The following PARVB variants were observed in gnomAD, a reference collection of about 807,000 sequenced individuals.
PARVB encodes parvin beta.
A neutral mutation model predicts 47.0 loss-of-function variants in PARVB; 46 were observed. The observed-to-expected ratio is 0.98, with a 90% CI of 0.77 to 1.25. PARVB has a LOEUF of 1.25. Ranked by LOEUF, PARVB falls within the 50% of genes most tolerant of loss-of-function variation. PARVB has a pLI of 0.00. For synonymous variants in PARVB, 196 were observed against 196.3 expected (o/e 1.00, Z 0.01); for missense variants, 473 against 471.6 (o/e 1.00, Z -0.03).
chr22:44,127,382 A>G (rs1367320748), intron 4 of PARVB, among the ~76,000 whole-genome samples: 2 of 152,180 alleles, frequency 1.3e-5, no homozygotes, highest in African/African-American at 4.8e-5. Flanking sequence ...TTGATGTGAG[A>G]TCCTCTTGAT....
intron 1 of PARVB, among the ~76,000 whole-genome samples, chr22:44,055,870 G>A (rs914334662): frequency 2.6e-4 from 40 of 152,142 alleles, no homozygotes; most frequent in African/African-American, 8.0e-4. Flanking sequence ...GGTGTCAAAT[G>A]GATTGGCCGA....
chr22:44,008,443 C>G (rs918778049), intron 2 of PARVB, among the ~76,000 whole-genome samples: 2 of 152,122 alleles, frequency 1.3e-5, no homozygotes, highest in African/African-American at 4.8e-5. Context: ...GTGAATATAC[C>G]TGGATGCCTA....
intron 3 of PARVB, among the ~76,000 whole-genome samples, chr22:44,118,718 G>A (rs552106804): frequency 3.3e-5 from 5 of 152,278 alleles, no homozygotes; most frequent in East Asian, 1.9e-4. Flanking sequence ...GGTGGTGGCC[G>A]CAGAGCTGTG....
At chr22:44,158,118 A>C in intron 11 of PARVB, 35 bp downstream of exon 11, 28 of 1,371,308 alleles carry the variant, frequency 2.0e-5, no homozygotes, top group Non-Finnish European at 2.4e-5. Context: ...GTAGGGGCTC[A>C]AGAAATGCTC....
chr22:44,161,859 C>T (rs1000696370), intron 11 of PARVB, among the ~76,000 whole-genome samples: 2 of 152,228 alleles, frequency 1.3e-5, no homozygotes, highest in Non-Finnish European at 2.9e-5. Flanking sequence ...AGTGTTTGGC[C>T]ATCCTCAGGC....
chr22:44,027,671 G>C (rs2050752876), intron 1 of PARVB, among the ~76,000 whole-genome samples: 2 of 152,148 alleles, frequency 1.3e-5, no homozygotes, highest in African/African-American at 2.4e-5. Context: ...GCCGAGGTGG[G>C]TGGATCACCT....
At chr22:44,136,425 T>C (rs1329783735) in intron 6 of PARVB, 35 bp from the exon 7 acceptor site, 4 of 1,601,868 alleles carry the variant, frequency 2.5e-6, no homozygotes, top group Non-Finnish European at 3.4e-6. Context: ...AACTCTCCAC[T>C]GCCTGATTTT....
chr22:44,000,891 A>G (rs890771569), intron 2 of PARVB, among the ~76,000 whole-genome samples: 4 of 152,210 alleles, frequency 2.6e-5, no homozygotes, highest in Admixed American at 2.0e-4. Context: ...TCATTTGCAA[A>G]ATACTGGTTC....
intron 1 of PARVB, among the ~76,000 whole-genome samples, chr22:44,037,519 A>G (rs2146908678): frequency 6.6e-6 from 1 of 152,300 alleles, no homozygotes; most frequent in East Asian, 1.9e-4. Flanking sequence ...GCTGTGCTAG[A>G]TGCTTCCTGC....
At chr22:44,001,586 A>G (rs1037499240) in intron 2 of PARVB, among the ~76,000 whole-genome samples, 2 of 152,238 alleles carry the variant, frequency 1.3e-5, no homozygotes, top group Admixed American at 6.5e-5. Context: ...ACGCTGTTGT[A>G]AAAGTCAGTA....
At chr22:44,079,877 G>A (rs544813776) in intron 1 of PARVB, among the ~76,000 whole-genome samples, 226 of 152,240 alleles carry the variant, frequency 1.5e-3, no homozygotes, top group Non-Finnish European at 5.1e-4. Context: ...GAAGTGAGCC[G>A]AGATTGTGCC....
At chr22:44,083,178 A>G (rs959259730) in intron 1 of PARVB, among the ~76,000 whole-genome samples, 9 of 152,082 alleles carry the variant, frequency 5.9e-5, no homozygotes, top group Non-Finnish European at 1.3e-4. Flanking sequence ...CTCTTTTTCC[A>G]CCCAATTAAG....
At chr22:44,127,161 C>G (rs575065849) in intron 4 of PARVB, among the ~76,000 whole-genome samples, 23 of 152,246 alleles carry the variant, frequency 1.5e-4, no homozygotes, top group African/African-American at 5.1e-4. Context: ...GGAGTAGCTG[C>G]TGTTCCATCT....
Position 44,090,255 on chromosome 22 carries a change from C to T in PARVB, c.113-3673C>T, listed in dbSNP as rs367594946. ...GATTTGGACTGGGGCTCTGTGGCCA[C>T]AGGCCTGGGCTCCTCCTGCCAACCG... On this transcript the variant is annotated intron_variant, in intron 1 of 12. Coordinates refer to ENST00000338758, the MANE Select transcript of PARVB (RefSeq NM_013327.5). Among the ~76,000 whole-genome samples, 13 of 152,348 alleles carry T rather than the reference C, an allele frequency of 8.5e-5. No individual in the cohort carries two copies. The East Asian group carries it at 2.1e-3, about 25-fold the overall frequency.
intron 1 of PARVB, among the ~76,000 whole-genome samples, chr22:44,059,905 G>C (rs2051388121): frequency 6.6e-6 from 1 of 152,094 alleles, no homozygotes; most frequent in African/African-American, 2.4e-5. Context: ...GTACCCAGGT[G>C]GCAGTTTCTC....
rs199771410 is a variant in PARVB at position 43,999,549 on chromosome 22, G to T, written c.87G>T (p.Leu29=). 154 of 1,593,764 alleles carry T rather than the reference G, an allele frequency of 9.7e-5. 1 individual carries two copies. In the African/African-American group the frequency reaches 1.8e-3, roughly 19 times the overall value. ...CTACCTGCAGCAGGAGGCTGGAGCT[G>T]AGACGTGGGTGTTCCTGCAGCTGGG... Residue 29 remains leucine (L), a synonymous_variant, in exon 2 of 14, where the codon CTG becomes CTT. Transcript: ENST00000406477.
At chr22:44,069,727 T>C (rs538674008) in intron 1 of PARVB, among the ~76,000 whole-genome samples, 21 of 152,050 alleles carry the variant, frequency 1.4e-4, no homozygotes, top group African/African-American at 5.1e-4. Flanking sequence ...CGGGGTTTCA[T>C]CATGTTGGCC....
intron 1 of PARVB, among the ~76,000 whole-genome samples, chr22:44,078,539 C>G (rs2051827633): frequency 6.6e-6 from 1 of 152,178 alleles, no homozygotes; most frequent in Non-Finnish European, 1.5e-5. Context: ...CCCTGTCAAT[C>G]ACATCGGGCC....
chr22:44,025,341 G>A (rs993350663), intron 1 of PARVB, among the ~76,000 whole-genome samples: 4 of 152,112 alleles, frequency 2.6e-5, no homozygotes, highest in Non-Finnish European at 5.9e-5. Context: ...AGGGATTAGT[G>A]TACCCCGGGA....
Sources: gnomAD v4.1 joint callset for allele counts (sites outside exome capture counted in the v4.1 genomes callset) on GRCh38, gnomAD v4.1.1 for gene constraint, MANE v1.5 for transcripts, NCBI Gene and HGNC (gene_info 2026-07-23, HGNC 2026-07-21) for gene names.